LRRC4C: variants seen among roughly 807,000 people sequenced by gnomAD.
LRRC4C encodes the protein leucine rich repeat containing 4C.
In LRRC4C, 5 loss-of-function variants were observed where a neutral mutation model predicts 33.6. That is an observed-to-expected ratio of 0.15 (90% confidence interval 0.08 to 0.31). The LOEUF is 0.31. LRRC4C is among the 10% of genes least tolerant of loss of function. The pLI is 1.00. For missense variants in LRRC4C, 560 were observed against 796.7 expected (o/e 0.70, Z 3.58); for synonymous variants, 329 against 302.0 (o/e 1.09, Z -0.93).
At chr11:40,445,813 T>G (rs1951608226) in intron 3 of LRRC4C, 1 of 152,258 alleles carries the variant, frequency 6.6e-6, no homozygotes, top group Non-Finnish European at 1.5e-5. Context: ...TGAAAAGCTT[T>G]TCCATATTCA....
intron 2 of LRRC4C, among the ~76,000 whole-genome samples, chr11:40,671,039 A>G (rs1461016330): frequency 1.3e-5 from 2 of 152,252 alleles, no homozygotes; most frequent in Non-Finnish European, 2.9e-5. Flanking sequence ...CTGGGATTAC[A>G]GGCATGAGCC....
chr11:41,332,195 G>T (rs1417854007), intron 1 of LRRC4C, among the ~76,000 whole-genome samples: 2 of 151,982 alleles, frequency 1.3e-5, no homozygotes, highest in Non-Finnish European at 1.5e-5. Flanking sequence ...TAGAGCCCAA[G>T]TTACTAGATA....
Position 40,588,652 on chromosome 11 carries a change from G to A in LRRC4C, c.-270+59490C>T, listed in dbSNP as rs1026216780. On this transcript the variant is annotated intron_variant, in intron 3 of 6. Transcript: ENST00000528697. ...TCCCTCTACACACTGCTTTGAATGCGTCCCAGAGACTCTGGTATGTTGTGT... is the reference window on the plus strand; with the variant it reads ...TCCCTCTACACACTGCTTTGAATGCATCCCAGAGACTCTGGTATGTTGTGT... 5.3e-5 allele frequency among the ~76,000 whole-genome samples: 8 copies of A among 151,908 alleles called. No individual in the cohort carries two copies. The East Asian group carries it at 7.8e-4, about 15-fold the overall frequency.
chr11:41,279,369 TACACACACACAAAC>T (rs58018234), intron 1 of LRRC4C, among the ~76,000 whole-genome samples: 1,478 of 84,982 alleles, frequency 0.017, 28 homozygotes, highest in African/African-American at 0.054. Context: ...TCCCATCACA[TACACACACACAAAC>T]ACACACACAC....
intron 1 of LRRC4C, among the ~76,000 whole-genome samples, chr11:41,008,226 G>A (rs1023189282): frequency 3.3e-5 from 5 of 151,930 alleles, no homozygotes; most frequent in African/African-American, 4.8e-5. Flanking sequence ...ACATACAACA[G>A]GTAAAGTGAT....
At chr11:40,403,495 ATGTGG>A (rs1419199497) in intron 3 of LRRC4C, among the ~76,000 whole-genome samples, 4 of 152,144 alleles carry the variant, frequency 2.6e-5, no homozygotes, top group African/African-American at 9.6e-5. Context: ...GAGATCATTT[ATGTGG>A]TGACTAATGC....
At chr11:40,587,347 G>T (rs1958804753) in intron 3 of LRRC4C, among the ~76,000 whole-genome samples, 1 of 143,492 alleles carries the variant, frequency 7.0e-6, no homozygotes, top group Middle Eastern at 3.6e-3. Context: ...CTTTGCTGAA[G>T]TTGCTTATCA....
At chr11:41,221,425 A>G (rs900207023) in intron 1 of LRRC4C, among the ~76,000 whole-genome samples, 4 of 152,204 alleles carry the variant, frequency 2.6e-5, no homozygotes, top group Admixed American at 2.0e-4. Context: ...GGTTGTAGAG[A>G]AAAAGAAAAT....
intron 6 of LRRC4C, among the ~76,000 whole-genome samples, chr11:40,138,513 C>T (rs190980858): frequency 6.6e-6 from 1 of 152,240 alleles, no homozygotes; most frequent in Non-Finnish European, 1.5e-5. Flanking sequence ...TAGAAGTGCT[C>T]CTATCAATTT....
intron 1 of LRRC4C, among the ~76,000 whole-genome samples, chr11:41,189,445 G>T (rs1945848996): frequency 6.6e-6 from 1 of 152,126 alleles, no homozygotes; most frequent in Non-Finnish European, 1.5e-5. Context: ...TGTTTGTAGA[G>T]CTGGGTAAGG....
chr11:40,706,488 T>C (rs1006510608), intron 2 of LRRC4C, among the ~76,000 whole-genome samples: 2 of 152,206 alleles, frequency 1.3e-5, no homozygotes, highest in Non-Finnish European at 2.9e-5. Context: ...ATTGCTTGTT[T>C]TTGTCAGGTT....
intron 5 of LRRC4C, among the ~76,000 whole-genome samples, chr11:40,179,859 G>T (rs534105212): frequency 9.9e-5 from 15 of 152,204 alleles, no homozygotes; most frequent in Middle Eastern, 3.2e-3. Flanking sequence ...GTCGCATCTG[G>T]TTAGTAACAA....
rs545475658 is a variant in LRRC4C at position 41,279,766 on chromosome 11, G to T, written c.-496+179665C>A. 1.2e-3 allele frequency among the ~76,000 whole-genome samples: 181 copies of T among 152,134 alleles called. 1 individual carries two copies. The highest frequency in any genetic ancestry group is 4.2e-3 in the African/African-American group (175 of 41,500). On this transcript the variant is annotated intron_variant, in intron 1 of 6. Coordinates refer to ENST00000528697, the MANE Select transcript of LRRC4C (RefSeq NM_001258419.2). ...TGGCACCTTGGATAACATCAGAATT[G>T]GAAAATATCTTTAATTACTAATGCA...
intron 1 of LRRC4C, among the ~76,000 whole-genome samples, chr11:41,078,587 T>A (rs983547071): frequency 6.6e-6 from 1 of 152,100 alleles, no homozygotes; most frequent in Non-Finnish European, 1.5e-5. Context: ...AGGTGCCACA[T>A]CTTTTCAGAC....
At chr11:41,304,557 C>T (rs1227808254) in intron 1 of LRRC4C, among the ~76,000 whole-genome samples, 1 of 108,982 alleles carries the variant, frequency 9.2e-6, no homozygotes, top group East Asian at 3.3e-4. Flanking sequence ...CCAGCCGCCC[C>T]GTCTGGGAGG....
At position 40,696,720 on chromosome 11, in the gene LRRC4C, A is replaced by G. The variant is rs531173744; in HGVS notation, c.-406-48442T>C. Among the ~76,000 whole-genome samples, 11 of 136,356 alleles carry G rather than the reference A, an allele frequency of 8.1e-5. No homozygotes were observed. The South Asian group carries it at 2.5e-3, about 31-fold the overall frequency. The allele number at this position is 136,356 out of a possible 152,430, so 89.5% of individuals were successfully genotyped here. A position where few individuals can be genotyped will look rare whatever the true frequency, so the allele number is the denominator to read the frequency against. ...CACCTATACATTGCAGCACAGAAAA[A>G]TTGTCTCTGTGCATATATATACACT... On this transcript the variant is annotated intron_variant, in intron 2 of 6. Transcript: ENST00000528697.
At chr11:40,417,617 G>T (rs1950376324) in intron 3 of LRRC4C, among the ~76,000 whole-genome samples, 7 of 152,028 alleles carry the variant, frequency 4.6e-5, no homozygotes, top group Admixed American at 3.9e-4. Context: ...CTCCCAAAGT[G>T]CTGGGATTAC....
At chr11:40,843,167 A>G (rs1459116393) in intron 2 of LRRC4C, among the ~76,000 whole-genome samples, 3 of 152,108 alleles carry the variant, frequency 2.0e-5, no homozygotes, top group African/African-American at 7.2e-5. Context: ...GCCACATTGG[A>G]TGACTGTTTC....
At chr11:40,866,839 A>G (rs1954392589) in intron 2 of LRRC4C, among the ~76,000 whole-genome samples, 1 of 152,120 alleles carries the variant, frequency 6.6e-6, no homozygotes, top group Non-Finnish European at 1.5e-5. Flanking sequence ...TAGTCCATGG[A>G]TGTCTTCATC....
Sources: allele counts gnomAD v4.1 joint callset (sites outside exome capture counted in the v4.1 genomes callset), GRCh38; gene constraint gnomAD v4.1.1; transcripts MANE v1.5; gene names NCBI Gene and HGNC (gene_info 2026-07-23, HGNC 2026-07-21).